The following CDK17 variants were observed in gnomAD, a reference collection of about 807,000 sequenced individuals.
The protein encoded by CDK17 is cyclin dependent kinase 17.
Under a neutral mutation model 77.6 loss-of-function variants are expected in CDK17, and 24 were observed. The observed-to-expected ratio is 0.31, with a 90% CI of 0.22 to 0.44. The LOEUF is 0.44. Ranked by LOEUF, CDK17 falls within the 20% of genes least tolerant of loss-of-function variation. CDK17 has a pLI of 1.00. For synonymous variants in CDK17, 203 were observed against 210.4 expected, an observed-to-expected ratio of 0.96 and a Z score of 0.30; for missense variants, 429 against 622.5, an observed-to-expected ratio of 0.69 and a Z score of 3.31.
chr12:96,360,575 C>T (rs547822752), intron 1 of CDK17, among the ~76,000 whole-genome samples: 1 of 152,116 alleles, frequency 6.6e-6, no homozygotes, highest in African/African-American at 2.4e-5. Flanking sequence ...GTAATTTTAT[C>T]ATGACTCACC....
intron 5 of CDK17, among the ~76,000 whole-genome samples, chr12:96,301,961 C>T (rs376207678): frequency 2.0e-5 from 3 of 152,226 alleles, no homozygotes; most frequent in African/African-American, 7.2e-5. Context: ...TCCAATAGTA[C>T]TTAATTCAAT....
intron 1 of CDK17, among the ~76,000 whole-genome samples, chr12:96,360,147 A>G (rs1346815187): frequency 1.3e-5 from 2 of 152,194 alleles, no homozygotes; most frequent in African/African-American, 4.8e-5. Flanking sequence ...AGGAAAGCAT[A>G]CTGCAATCAA....
intron 1 of CDK17, among the ~76,000 whole-genome samples, chr12:96,360,966 G>A (rs1953484297): frequency 1.3e-5 from 2 of 152,218 alleles, no homozygotes; most frequent in South Asian, 4.1e-4. Context: ...GGACAGACAT[G>A]TATCACAGAC....
intron 1 of CDK17, among the ~76,000 whole-genome samples, chr12:96,344,016 CA>C (rs1429538472): frequency 6.6e-6 from 1 of 152,048 alleles, no homozygotes; most frequent in African/African-American, 2.4e-5. Context: ...AAAATGGAAT[CA>C]AACAAAAATT....
At chr12:96,322,127 A>G (rs946341589) in intron 3 of CDK17, among the ~76,000 whole-genome samples, 1 of 152,174 alleles carries the variant, frequency 6.6e-6, no homozygotes, top group African/African-American at 2.4e-5. Flanking sequence ...TGACATGACT[A>G]CCAGTCGGTA....
At position 96,378,750 on chromosome 12, in the gene CDK17, C is replaced by T. The variant is rs1346925500; in HGVS notation, c.-30+21236G>A. ...CACAAAGGATTGAGTGACTAAACTA[C>T]GGTACATCTACATAAGAAAATACTA... On this transcript the variant is annotated intron_variant, in intron 1 of 16. Coordinates refer to ENST00000261211, the MANE Select transcript of CDK17 (RefSeq NM_002595.5). Among the ~76,000 whole-genome samples, 34 of 152,124 alleles carry T rather than the reference C, an allele frequency of 2.2e-4. 1 individual carries two copies. The highest frequency in any genetic ancestry group is 2.0e-3 in the Admixed American group (31 of 15,270).
intron 5 of CDK17, among the ~76,000 whole-genome samples, chr12:96,305,683 G>C (rs1196448808): frequency 6.6e-6 from 1 of 152,098 alleles, no homozygotes; most frequent in East Asian, 1.9e-4. Flanking sequence ...TTGCAAGTTT[G>C]TTATACAGAA....
intron 1 of CDK17, among the ~76,000 whole-genome samples, chr12:96,361,758 A>G (rs78758208): frequency 0.033 from 4,952 of 152,244 alleles, 277 homozygotes; most frequent in East Asian, 0.2. Context: ...GAATTGGGGG[A>G]AAAAAATTTT....
chr12:96,386,399 G>A lies in CDK17; in HGVS notation c.-30+13587C>T, dbSNP rs139557927. ...CACAGAGGCACATGCCTGCAATCTC[G>A]GCACTTTGGGAGGCCAAGGTGGGAG... is the stretch of plus-strand genomic sequence containing the variant. On this transcript the variant is annotated intron_variant, in intron 1 of 16. Coordinates refer to ENST00000261211, the MANE Select transcript of CDK17 (RefSeq NM_002595.5). Among the ~76,000 whole-genome samples, 629 of 152,220 alleles carry A rather than the reference G, an allele frequency of 4.1e-3. 5 individuals carry two copies. Among genetic ancestry groups the A allele is most frequent in the Middle Eastern group, 0.024 (7 of 294 alleles).
rs149683772 is a variant in CDK17 at position 96,359,120 on chromosome 12, A to G, written c.-29-24255T>C. ...CTTCCCTTCATTTCTTGGCCCACCA[A>G]CGTATCTAATACCTGCTACTATTTG... On this transcript the variant is annotated intron_variant, in intron 1 of 16. Transcript: ENST00000261211. 2.5e-4 allele frequency among the ~76,000 whole-genome samples: 38 copies of G among 152,124 alleles called. No homozygotes were observed. In the East Asian group the frequency reaches 7.4e-3, roughly 29 times the overall value.
At chr12:96,311,902 TA>T (rs1374832406) in intron 4 of CDK17, among the ~76,000 whole-genome samples, 2 of 152,126 alleles carry the variant, frequency 1.3e-5, no homozygotes, top group African/African-American at 4.8e-5. Flanking sequence ...AGCTTATTCT[TA>T]GAACAAAATA....
At chr12:96,370,113 T>C (rs1953667706) in intron 1 of CDK17, among the ~76,000 whole-genome samples, 1 of 152,244 alleles carries the variant, frequency 6.6e-6, no homozygotes, top group South Asian at 2.1e-4. Flanking sequence ...ACAAATCTTA[T>C]CAGGTGTTTA....
chr12:96,367,238 G>A (rs537959214), intron 1 of CDK17, among the ~76,000 whole-genome samples: 5 of 149,794 alleles, frequency 3.3e-5, no homozygotes, highest in African/African-American at 7.4e-5. Flanking sequence ...CCAGCTACTC[G>A]GCAGGCTGAG....
intron 1 of CDK17, among the ~76,000 whole-genome samples, chr12:96,360,109 G>C (rs2137187205): frequency 6.6e-6 from 1 of 152,254 alleles, no homozygotes; most frequent in Middle Eastern, 3.4e-3. Flanking sequence ...ATTTATACAG[G>C]CCAAGGTGAC....
At chr12:96,379,811 C>A (rs1001858110) in intron 1 of CDK17, among the ~76,000 whole-genome samples, 2 of 152,056 alleles carry the variant, frequency 1.3e-5, no homozygotes, top group Non-Finnish European at 2.9e-5. Flanking sequence ...ATTTCCTCAT[C>A]GGAAGATAAA....
At position 96,354,851 on chromosome 12, in the gene CDK17, T is replaced by C. The variant is rs905402820; in HGVS notation, c.-29-19986A>G. The stretch of plus-strand genomic sequence containing the variant: ...ATGAGCTGTGATCTCATCACTGCAC[T>C]CCAGCCTGGGAATCAGAGTGAGACC... On this transcript the variant is annotated intron_variant, in intron 1 of 16. Transcript: ENST00000261211. 4.3e-4 allele frequency among the ~76,000 whole-genome samples: 65 copies of C among 152,090 alleles called. 2 individuals carry two copies. The highest frequency in any genetic ancestry group is 8.8e-5 in the Non-Finnish European group (6 of 68,010).
chr12:96,328,775 G>C (rs1297860024), intron 2 of CDK17, among the ~76,000 whole-genome samples: 2 of 152,134 alleles, frequency 1.3e-5, no homozygotes, highest in Non-Finnish European at 2.9e-5. Flanking sequence ...TCCAGATGAA[G>C]ATCCTAACTG....
intron 1 of CDK17, among the ~76,000 whole-genome samples, chr12:96,347,306 G>A (rs911596481): frequency 2.6e-5 from 4 of 151,952 alleles, no homozygotes; most frequent in Non-Finnish European, 5.9e-5. Context: ...GCTCATGCCT[G>A]TAATCCCAAC....
chr12:96,304,717 T>G (rs1952554786), intron 5 of CDK17, among the ~76,000 whole-genome samples: 1 of 152,164 alleles, frequency 6.6e-6, no homozygotes, highest in African/African-American at 2.4e-5. Context: ...CTTACAAAAA[T>G]TGCTATTATC....
Sources: allele counts gnomAD v4.1 joint callset (sites outside exome capture counted in the v4.1 genomes callset), GRCh38; gene constraint gnomAD v4.1.1; transcripts MANE v1.5; gene names NCBI Gene and HGNC (gene_info 2026-07-23, HGNC 2026-07-21).